Variants in KRT34 observed in about 807,000 individuals in gnomAD.
KRT34 encodes keratin, type I cuticular Ha4.
Under a neutral mutation model 41.7 loss-of-function variants are expected in KRT34, and 31 were observed. That is an observed-to-expected ratio of 0.74 (90% CI 0.56 to 1.00). KRT34 has a LOEUF of 1.00. Among genes scored for constraint, KRT34 ranks in the 50% least tolerant of loss-of-function variants. The pLI is 0.00. For missense variants in KRT34, 523 were observed against 500.3 expected, an observed-to-expected ratio of 1.05 and a Z score of -0.43; for synonymous variants, 224 against 212.9, an observed-to-expected ratio of 1.05 and a Z score of -0.45.
At chr17:41,381,257 C>T in intron 2 of KRT34, 45 bp from the exon 3 acceptor site, 4 of 1,589,668 alleles carry the variant, frequency 2.5e-6, no homozygotes, top group Non-Finnish European at 3.4e-6. Context: ...AGAAAACCAC[C>T]TTCCCCTCTC....
At position 41,377,703 on chromosome 17, in the gene KRT34, A is replaced by T; in HGVS notation, c.*356T>A. The T allele has an allele frequency of 4.0e-6, 1 of 248,128 alleles. No homozygotes were observed. Among genetic ancestry groups the T allele is most frequent in the African/African-American group, 2.2e-5 (1 of 46,282 alleles). The allele number at this position is 248,128 out of a possible 1,614,324, so 15.4% of individuals were successfully genotyped here. ...AGAAATGAAGTTTATTGGGAAGTAAATGAAGTCTCCTCCTTGCATTCCAGA... is the reference window on the plus strand; with the variant it reads ...AGAAATGAAGTTTATTGGGAAGTAATTGAAGTCTCCTCCTTGCATTCCAGA... On this transcript the variant is annotated 3_prime_UTR_variant, in exon 7 of 7. Coordinates refer to ENST00000394001, the MANE Select transcript of KRT34 (RefSeq NM_001386014.1).
intron 2 of KRT34, 92 bp from the exon 3 acceptor site, chr17:41,381,304 G>T: frequency 7.4e-7 from 1 of 1,344,448 alleles, no homozygotes; most frequent in Non-Finnish European, 1.0e-6. Context: ...GAATCTTCTT[G>T]AACTTACAGT....
chr17:41,380,984 C>G (rs1288350023), intron 3 of KRT34, 72 bp downstream of exon 3: 7 of 1,437,012 alleles, frequency 4.9e-6, no homozygotes, highest in African/African-American at 1.4e-5. Context: ...GGGATCCAGA[C>G]AGTAATCCTC....
chr17:41,379,772 T>G (rs1282990975), intron 3 of KRT34, 41 bp from the exon 4 acceptor site: 2 of 1,549,702 alleles, frequency 1.3e-6, no homozygotes, highest in Non-Finnish European at 1.7e-6. Context: ...CGGCAATGGA[T>G]CTGCCATTTT....
At chr17:41,380,696 A>G (rs2144329300) in intron 3 of KRT34, among the ~76,000 whole-genome samples, 1 of 152,332 alleles carries the variant, frequency 6.6e-6, no homozygotes, top group South Asian at 2.1e-4. Flanking sequence ...CTGTGTTTAT[A>G]TGACTGTCTT....
In KRT34 at chr17:41,379,176, G is replaced by A. The variant is rs776876023; in HGVS notation, c.877C>T (p.Arg293Ter). The change falls in exon 6 of 7, where the codon CGA (arginine) becomes TGA (stop). Residue 293 changes from arginine (R) to a stop codon, truncating the protein, a stop_gained and splice_region_variant. Transcript: ENST00000394001. LOFTEE classifies it high-confidence loss of function. ...GTCAGCGTGTTTTCCAGAGAGTCTC[G>A]CTGTGGTGGGGAAGATCAGGAATGT... ...EIELQAQHNL[R>*]DSLENTLTES... 12 of 1,614,046 alleles carry A rather than the reference G, an allele frequency of 7.4e-6. No homozygotes were observed. The highest frequency in any genetic ancestry group is 6.7e-5 in the East Asian group (3 of 44,898).
In KRT34 at chr17:41,381,114, T is replaced by A. The variant is rs2017973090; in HGVS notation, c.530A>T (p.Glu177Val). 6.2e-7 allele frequency: 1 copy of A among 1,613,676 alleles called. No individual in the cohort carries two copies. The highest frequency in any genetic ancestry group is 1.3e-5 in the African/African-American group (1 of 74,914). ...DELTLCKSDL[E>V]SQVESLREEL... ...CTCCCTCAGGGACTCCACCTGGGACTCCAGGTCAGACTTGCAGAGGGTCAG... is the reference window on the plus strand; with the variant it reads ...CTCCCTCAGGGACTCCACCTGGGACACCAGGTCAGACTTGCAGAGGGTCAG... Residue 177 changes from glutamate to valine, a missense_variant, in exon 3 of 7, where the codon GAG (glutamate) becomes GTG (valine). Glu to Val is a moderately radical substitution (Grantham distance 121, BLOSUM62 -2). Transcript: ENST00000394001.
In KRT34 at chr17:41,380,267, AG is replaced by A. The variant is rs1274509207; in HGVS notation, c.589-537del. 4.5e-5 allele frequency among the ~76,000 whole-genome samples: 6 copies of A among 132,834 alleles called. No homozygotes were observed. In the East Asian group the frequency reaches 1.3e-3, roughly 29 times the overall value. The allele number at this position is 132,834 out of a possible 152,430, so 87.1% of individuals were successfully genotyped here. On this transcript the variant is annotated intron_variant, in intron 3 of 6. Coordinates refer to ENST00000394001, the MANE Select transcript of KRT34 (RefSeq NM_001386014.1). ...AGCATGACTCCGTCAAAAAAAAAAA[AG>A]CACTAAAAGGAAGATTCTGATCATT...
Position 41,382,292 on chromosome 17 carries a change from G to A in KRT34, c.-46C>T, listed in dbSNP as rs756933168. On this transcript the variant is annotated 5_prime_UTR_variant, in exon 1 of 7. Transcript: ENST00000394001. ...AAAAGCAGGTAAGCTGCTGGAGGTGGATGTGGGCAGGTTTGAGTCTCTCCT... is the reference window on the plus strand; with the variant it reads ...AAAAGCAGGTAAGCTGCTGGAGGTGAATGTGGGCAGGTTTGAGTCTCTCCT... The A allele has an allele frequency of 2.5e-6, 4 of 1,613,154 alleles. No homozygotes were observed. Among genetic ancestry groups the A allele is most frequent in the Non-Finnish European group, 3.4e-6 (4 of 1,180,044 alleles).
chr17:41,379,223 G>A (rs749902664), intron 5 of KRT34, 47 bp from the exon 6 acceptor site: 1 of 1,611,794 alleles, frequency 6.2e-7, no homozygotes, highest in South Asian at 1.1e-5. Flanking sequence ...TCCTTCAAAG[G>A]GTTTCTTCAC....
rs752494449 is a variant in KRT34 at position 41,381,918 on chromosome 17, A to G, written c.329T>C (p.Ile110Thr). 7.4e-6 allele frequency: 12 copies of G among 1,614,056 alleles called. No individual in the cohort carries two copies. The East Asian group carries it at 8.9e-5, about 12-fold the overall frequency. Residue 110 changes from isoleucine to threonine, a missense_variant, in exon 1 of 7, where the codon ATT becomes ACT. Coordinates refer to ENST00000394001, the MANE Select transcript of KRT34 (RefSeq NM_001386014.1). ...CCTCACCTTCTGCTGGAGCTCCTCA[A>G]TGGTCTTGAAGTAGGACTGGTAGCT... ...CPSYQSYFKTIEELQQKILCA... is the reference protein window; with the variant it reads ...CPSYQSYFKTTEELQQKILCA...
chr17:41,379,288 G>C, intron 5 of KRT34, 65 bp downstream of exon 5: 1 of 1,611,188 alleles, frequency 6.2e-7, no homozygotes, highest in Non-Finnish European at 8.5e-7. Context: ...GTGGCCCCAA[G>C]CACATCCCCG....
Position 41,381,613 on chromosome 17 carries a change from A to C in KRT34, c.431+100T>G, listed in dbSNP as rs1004570004. 4 of 1,042,172 alleles carry C rather than the reference A, an allele frequency of 3.8e-6. No homozygotes were observed. The African/African-American group carries it at 4.7e-5, about 12-fold the overall frequency. The allele number at this position is 1,042,172 out of a possible 1,614,324, so 64.6% of individuals were successfully genotyped here. A position where few individuals can be genotyped will look rare whatever the true frequency, so the allele number is the denominator to read the frequency against. Reference sequence around the variant, plus strand: ...AAACTAATTTTACATAACCAGCCCTAGGAGGAGAAATAGAGAGAAATGGCT... The same window carrying C: ...AAACTAATTTTACATAACCAGCCCTCGGAGGAGAAATAGAGAGAAATGGCT... On this transcript the variant is annotated intron_variant, in intron 2 of 6. Transcript: ENST00000394001.
chr17:41,378,767 G>A (rs888838553), intron 6 of KRT34, among the ~76,000 whole-genome samples, 189 bp downstream of exon 6: 2 of 152,146 alleles, frequency 1.3e-5, no homozygotes, highest in African/African-American at 4.8e-5. Flanking sequence ...CTCCTCCATT[G>A]TTAGCCCCCT....
intron 3 of KRT34, among the ~76,000 whole-genome samples, chr17:41,380,662 T>A (rs1170091008): frequency 6.6e-6 from 1 of 152,218 alleles, no homozygotes. Flanking sequence ...ATGGTACTTG[T>A]TTCACTCTGT....
Position 41,378,141 on chromosome 17 carries a change from G to C in KRT34, c.1103C>G (p.Pro368Arg), listed in dbSNP as rs758497557. 3.7e-6 allele frequency: 6 copies of C among 1,613,010 alleles called. No homozygotes were observed. ...SLLESEDCKL[P>R]CNPCATTNAS... ...ATTGGTGGTGGCGCATGGGTTGCAG[G>C]GGAGCCTAGGAGGACAAGGAGGTTT... Residue 368 changes from proline (P) to arginine (R), a missense_variant, in exon 7 of 7, where the codon CCC becomes CGC. Coordinates refer to ENST00000394001, the MANE Select transcript of KRT34 (RefSeq NM_001386014.1).
chr17:41,381,946 G>A lies in KRT34; in HGVS notation c.301C>T (p.Pro101Ser). The change falls in exon 1 of 7, where the codon CCC becomes TCC. Residue 101 changes from proline to serine, a missense_variant. Coordinates refer to ENST00000394001, the MANE Select transcript of KRT34 (RefSeq NM_001386014.1). ...RSQQQEPLLC[P>S]SYQSYFKTIE... is the part of the protein sequence containing the mutation. ...GTCTTGAAGTAGGACTGGTAGCTGGGGCACAGCAAGGGCTCCTGCTGCTGG... is the reference window on the plus strand; with the variant it reads ...GTCTTGAAGTAGGACTGGTAGCTGGAGCACAGCAAGGGCTCCTGCTGCTGG... 3 of 1,614,266 alleles carry A rather than the reference G, an allele frequency of 1.9e-6. No homozygotes were observed. Among genetic ancestry groups the A allele is most frequent in the Non-Finnish European group, 2.5e-6 (3 of 1,180,046 alleles).
chr17:41,377,988 A>C lies in KRT34; in HGVS notation c.*71T>G. ...ATGTCAGCTGAGCTCCAGAAAAGTC[A>C]GGACTTGAGGATCCTTCCTGTGGTT... On this transcript the variant is annotated 3_prime_UTR_variant, in exon 7 of 7. Coordinates refer to ENST00000394001, the MANE Select transcript of KRT34 (RefSeq NM_001386014.1). 2 of 1,139,848 alleles carry C rather than the reference A, an allele frequency of 1.8e-6. No homozygotes were observed. Among genetic ancestry groups the C allele is most frequent in the Non-Finnish European group, 2.6e-6 (2 of 758,002 alleles). 70.6% of individuals were successfully genotyped at this position (1,139,848 alleles called of 1,614,324 possible). A position where few individuals can be genotyped will look rare whatever the true frequency, so the allele number is the denominator to read the frequency against.
chr17:41,377,979 AG>A lies in KRT34; in HGVS notation c.*79del. ...GGTTTCTTGATGTCAGCTGAGCTCC[AG>A]AAAAGTCAGGACTTGAGGATCCTTC... On this transcript the variant is annotated 3_prime_UTR_variant, in exon 7 of 7. Coordinates refer to ENST00000394001, the MANE Select transcript of KRT34 (RefSeq NM_001386014.1). 1.9e-6 allele frequency: 2 copies of A among 1,039,562 alleles called. No individual in the cohort carries two copies. The highest frequency in any genetic ancestry group is 3.0e-6 in the Non-Finnish European group (2 of 669,972). The allele number at this position is 1,039,562 out of a possible 1,614,324, so 64.4% of individuals were successfully genotyped here. A position where few individuals can be genotyped will look rare whatever the true frequency, so the allele number is the denominator to read the frequency against.
Sources: allele counts gnomAD v4.1 joint callset (sites outside exome capture counted in the v4.1 genomes callset), GRCh38; gene constraint gnomAD v4.1.1; transcripts MANE v1.5; gene names NCBI Gene and HGNC (gene_info 2026-07-23, HGNC 2026-07-21).